Variants in MRPL22 observed in about 807,000 individuals in gnomAD.
MRPL22 encodes the protein mitochondrial ribosomal protein L22.
In MRPL22, 27 loss-of-function variants were observed where a neutral mutation model predicts 32.4. The ratio of observed to expected loss-of-function variants is 0.83; its 90% confidence interval spans 0.61 to 1.15. The LOEUF (loss-of-function observed/expected upper bound fraction) is 1.15. Among genes scored for constraint, MRPL22 ranks in the 50% most tolerant of loss-of-function variants. The pLI is 0.00. For synonymous variants in MRPL22, 86 were observed against 87.3 expected (o/e 0.99, Z 0.08); for missense variants, 239 against 260.2 (o/e 0.92, Z 0.56).
chr5:154,951,084 A>C, intron 3 of MRPL22, 146 bp downstream of exon 3: 1 of 622,606 alleles, frequency 1.6e-6, no homozygotes, highest in South Asian at 2.1e-5. Context: ...TTATCTCTTC[A>C]ATAGTTGAAA....
chr5:154,964,069 G>C (rs1764737006), intron 6 of MRPL22, among the ~76,000 whole-genome samples: 2 of 152,182 alleles, frequency 1.3e-5, no homozygotes, highest in Non-Finnish European at 2.9e-5. Context: ...GAACATGGCA[G>C]GCTGTGTATT....
At chr5:154,966,042 G>C (rs1764762335) in intron 6 of MRPL22, among the ~76,000 whole-genome samples, 1 of 152,156 alleles carries the variant, frequency 6.6e-6, no homozygotes, top group Non-Finnish European at 1.5e-5. Context: ...ATCACAATTA[G>C]AATAAAATAA....
rs1194591020 is a variant in MRPL22 at position 154,969,363 on chromosome 5, C to A, written c.*2466C>A. ...GATTGTAAGTTTCCTGAGGCCTCCC[C>A]AGCCATGCAGAACTTTGACACAATT... is the stretch of plus-strand genomic sequence containing the variant. On this transcript the variant is annotated 3_prime_UTR_variant, in exon 7 of 7. Coordinates refer to ENST00000523037, the MANE Select transcript of MRPL22 (RefSeq NM_014180.4). 6.6e-6 allele frequency: 1 copy of A among 152,220 alleles called. No homozygotes were observed. Among genetic ancestry groups the A allele is most frequent in the South Asian group, 2.1e-4 (1 of 4,836 alleles). The allele number at this position is 152,220 out of a possible 1,614,324, so 9.4% of individuals were successfully genotyped here.
intron 2 of MRPL22, among the ~76,000 whole-genome samples, chr5:154,941,799 C>T (rs1582685713): frequency 6.6e-6 from 1 of 152,130 alleles, no homozygotes; most frequent in African/African-American, 2.4e-5. Context: ...AGCTTTATAC[C>T]AGAGCATTCT....
chr5:154,948,241 C>A (rs1445984927), intron 2 of MRPL22, among the ~76,000 whole-genome samples: 1 of 152,202 alleles, frequency 6.6e-6, no homozygotes, highest in East Asian at 1.9e-4. Context: ...ACACTCCCCC[C>A]ACTGTATCAT....
chr5:154,941,959 A>C (rs1481135677), intron 2 of MRPL22, among the ~76,000 whole-genome samples: 1 of 152,220 alleles, frequency 6.6e-6, no homozygotes, highest in Non-Finnish European at 1.5e-5. Flanking sequence ...GGTTTAGTTC[A>C]TAGGCTTTGC....
At chr5:154,958,134 G>T (rs967531778) in intron 5 of MRPL22, among the ~76,000 whole-genome samples, 5 of 152,034 alleles carry the variant, frequency 3.3e-5, no homozygotes, top group African/African-American at 1.2e-4. Context: ...GGCCAGGCTG[G>T]TCTTGAACTC....
intron 4 of MRPL22, 62 bp from the exon 5 acceptor site, chr5:154,957,073 A>G: frequency 7.0e-7 from 1 of 1,437,750 alleles, no homozygotes; most frequent in Non-Finnish European, 9.7e-7. Flanking sequence ...CTTTCATTGA[A>G]AAGGAAACAT....
chr5:154,950,803 G>A lies in MRPL22; in HGVS notation c.78-18G>A, dbSNP rs1764549806. On this transcript the variant is annotated intron_variant, in intron 2 of 6. Coordinates refer to ENST00000523037, the MANE Select transcript of MRPL22 (RefSeq NM_014180.4). ...CCCCTAAGTGTCTGTTGTTTTATAG[G>A]CTTCTTTCATTTCACAGTGTTTTAC... is the stretch of plus-strand genomic sequence containing the variant. 1.3e-6 allele frequency: 2 copies of A among 1,527,754 alleles called. No individual in the cohort carries two copies. Among genetic ancestry groups the A allele is most frequent in the Non-Finnish European group, 1.8e-6 (2 of 1,102,314 alleles). The allele number at this position is 1,527,754 out of a possible 1,614,324, so 94.6% of individuals were successfully genotyped here.
At position 154,969,181 on chromosome 5, in the gene MRPL22, G is replaced by A. The variant is rs1764812979; in HGVS notation, c.*2284G>A. ...TAATCCCCACCTAGTGACGGAGGGAGGTGATTGATGATGGGTGTGGTGTAC... is the reference window on the plus strand; with the variant it reads ...TAATCCCCACCTAGTGACGGAGGGAAGTGATTGATGATGGGTGTGGTGTAC... On this transcript the variant is annotated 3_prime_UTR_variant, in exon 7 of 7. Transcript: ENST00000523037. 6.6e-6 allele frequency: 1 copy of A among 152,210 alleles called. No individual in the cohort carries two copies. The highest frequency in any genetic ancestry group is 1.5e-5 in the Non-Finnish European group (1 of 68,052). 9.4% of individuals were successfully genotyped at this position (152,210 alleles called of 1,614,324 possible). A position where few individuals can be genotyped will look rare whatever the true frequency, so the allele number is the denominator to read the frequency against.
chr5:154,964,512 A>G (rs907392135), intron 6 of MRPL22, among the ~76,000 whole-genome samples: 1 of 152,232 alleles, frequency 6.6e-6, no homozygotes, highest in African/African-American at 2.4e-5. Flanking sequence ...TCCTGATTTC[A>G]TTTACACCTC....
intron 6 of MRPL22, 87 bp from the exon 7 acceptor site, chr5:154,966,599 C>T: frequency 7.3e-7 from 1 of 1,375,314 alleles, no homozygotes; most frequent in South Asian, 1.3e-5. Context: ...TCTCAGAATC[C>T]AGTCAAGGAA....
chr5:154,964,042 C>A (rs959521021), intron 6 of MRPL22, among the ~76,000 whole-genome samples: 1 of 152,148 alleles, frequency 6.6e-6, no homozygotes, highest in African/African-American at 2.4e-5. Context: ...TAGATTGGGC[C>A]TATATTCCAG....
rs1247291798 is a variant in MRPL22 at position 154,956,405 on chromosome 5, G to A, written c.230G>A (p.Ser77Asn). Residue 77 changes from serine to asparagine, a missense_variant, in exon 4 of 7, where the codon AGC (serine) becomes AAC (asparagine). Ser to Asn is a conservative substitution (Grantham distance 46, BLOSUM62 1). Transcript: ENST00000523037. ...IYHCRRQIKY[S>N]KDKMWYLAKL... ...CACTGTCGAAGACAAATAAAATATA[G>A]CAAAGACAAGATGTGGTATTTGGCA... 1 of 1,610,144 alleles carries A rather than the reference G, an allele frequency of 6.2e-7. No homozygotes were observed. The highest frequency in any genetic ancestry group is 1.7e-5 in the Admixed American group (1 of 59,768).
intron 6 of MRPL22, among the ~76,000 whole-genome samples, chr5:154,965,591 AT>A (rs1164287980): frequency 6.6e-6 from 1 of 151,818 alleles, no homozygotes; most frequent in Non-Finnish European, 1.5e-5. Context: ...CAACTGGCTA[AT>A]TTTTTGTATT....
Position 154,967,131 on chromosome 5 carries a change from T to A in MRPL22, c.*234T>A. 2.0e-6 allele frequency: 1 copy of A among 510,280 alleles called. No homozygotes were observed. The highest frequency in any genetic ancestry group is 3.4e-6 in the Non-Finnish European group (1 of 291,304). 31.6% of individuals were successfully genotyped at this position (510,280 alleles called of 1,614,324 possible). A position where few individuals can be genotyped will look rare whatever the true frequency, so the allele number is the denominator to read the frequency against. On this transcript the variant is annotated 3_prime_UTR_variant, in exon 7 of 7. Transcript: ENST00000523037. This position sits in a 1 kb window ranked among gnomAD's most constrained non-coding sequence, Gnocchi z 4.7. ...ATCAGCTTTAAACATAGTAACAGACTATATTTCAAAAGGCTTTTGGAGTAA... is the reference window on the plus strand; with the variant it reads ...ATCAGCTTTAAACATAGTAACAGACAATATTTCAAAAGGCTTTTGGAGTAA...
rs1298401698 is a variant in MRPL22 at position 154,956,361 on chromosome 5, A to C, written c.196-10A>C. The C allele has an allele frequency of 6.3e-7, 1 of 1,592,784 alleles. No individual in the cohort carries two copies. Among genetic ancestry groups the C allele is most frequent in the African/African-American group, 1.3e-5 (1 of 74,234 alleles). On this transcript the variant is annotated splice_polypyrimidine_tract_variant and intron_variant, in intron 3 of 6. Transcript: ENST00000523037. ...ATTTTCTTTCTGTCCTTTTTTTTCC[A>C]ATTTGTAAGGAAATCTACCACTGTC...
chr5:154,959,870 T>C (rs1049763097), intron 5 of MRPL22, 110 bp from the exon 6 acceptor site: 17 of 713,034 alleles, frequency 2.4e-5, no homozygotes, highest in Non-Finnish European at 3.8e-5. Context: ...AAATTGACTA[T>C]GGAAGCATGT....
intron 6 of MRPL22, among the ~76,000 whole-genome samples, chr5:154,964,983 T>G (rs1389554142): frequency 6.6e-6 from 1 of 152,166 alleles, no homozygotes; most frequent in Non-Finnish European, 1.5e-5. Context: ...CCTTATAAAG[T>G]GATTTGTGTA....
Sources: gnomAD v4.1 joint callset for allele counts (sites outside exome capture counted in the v4.1 genomes callset) on GRCh38, gnomAD v4.1.1 for gene constraint, Gnocchi (gnomAD v3.1) non-coding constraint, MANE v1.5 for transcripts, NCBI Gene and HGNC (gene_info 2026-07-23, HGNC 2026-07-21) for gene names.